The following ABCG1 variants were observed in gnomAD, a reference collection of about 807,000 sequenced individuals.
ABCG1 encodes ATP binding cassette subfamily G member 1.
A neutral mutation model predicts 69.2 loss-of-function variants in ABCG1; 29 were observed. The observed-to-expected ratio is 0.42, with a 90% CI of 0.31 to 0.57. ABCG1 has a LOEUF of 0.57. Among genes scored for constraint, ABCG1 ranks in the 20% least tolerant of loss-of-function variants. The pLI, the probability that ABCG1 is intolerant of heterozygous loss-of-function variation, is 0.15. For synonymous variants in ABCG1, 370 were observed against 374.8 expected, an observed-to-expected ratio of 0.99 and a Z score of 0.15; for missense variants, 718 against 898.1, an observed-to-expected ratio of 0.80 and a Z score of 2.56.
chr21:42,204,867 ATGCTAAC>A (rs1373027602), intron 2 of ABCG1, among the ~76,000 whole-genome samples: 2 of 152,212 alleles, frequency 1.3e-5, no homozygotes, highest in Non-Finnish European at 1.5e-5. Flanking sequence ...ATACCTGGGT[ATGCTAAC>A]TAAATAAAAT....
intron 8 of ABCG1, among the ~76,000 whole-genome samples, chr21:42,286,474 A>G (rs1255767920): frequency 6.6e-6 from 1 of 152,192 alleles, no homozygotes; most frequent in Non-Finnish European, 1.5e-5. Context: ...ACTATTTCCC[A>G]AATTGTGTTC....
At chr21:42,278,886 C>T (rs225404) in intron 5 of ABCG1, among the ~76,000 whole-genome samples, 10,062 of 152,058 alleles carry the variant, frequency 0.066, 473 homozygotes, top group Non-Finnish European at 0.1. Flanking sequence ...TCAGTTTTGC[C>T]ACCCCCCAGT....
chr21:42,260,144 G>A (rs1385472950), intron 2 of ABCG1: 35 of 1,550,632 alleles, frequency 2.3e-5, no homozygotes, highest in East Asian at 4.9e-5. Context: ...AGGAAGGTGA[G>A]GATGAGTTGT....
chr21:42,222,433 C>T (rs1260595932), intron 1 of ABCG1, among the ~76,000 whole-genome samples: 1 of 152,128 alleles, frequency 6.6e-6, no homozygotes, highest in Non-Finnish European at 1.5e-5. Flanking sequence ...TGTATGATTT[C>T]CTTGGTGTGG....
chr21:42,273,273 T>G lies in ABCG1; in HGVS notation c.405-30T>G. On this transcript the variant is annotated intron_variant, in intron 3 of 14. Coordinates refer to ENST00000398449, the MANE Select transcript of ABCG1 (RefSeq NM_016818.3). The surrounding 1 kb of genome is among the most constrained non-coding windows in gnomAD (Gnocchi z 5.3). The stretch of plus-strand genomic sequence containing the variant: ...GGTGGAGGAGGAGCAGGAGCCCGGC[T>G]GACGGCTTCTCCTGTCCTTGGTTCT... 1 of 1,597,236 alleles carries G rather than the reference T, an allele frequency of 6.3e-7. No individual in the cohort carries two copies. The highest frequency in any genetic ancestry group is 8.5e-7 in the Non-Finnish European group (1 of 1,170,486).
intron 2 of ABCG1, among the ~76,000 whole-genome samples, chr21:42,266,462 C>T (rs1429534664): frequency 6.6e-6 from 1 of 152,114 alleles, no homozygotes; most frequent in Non-Finnish European, 1.5e-5. Context: ...CTGTCTCTCC[C>T]AAGTATGCAT....
chr21:42,243,912 G>A (rs1253015703), intron 2 of ABCG1, among the ~76,000 whole-genome samples: 1 of 136,514 alleles, frequency 7.3e-6, no homozygotes. Flanking sequence ...TCCGCCTCCC[G>A]GGTTCACGCC....
At position 42,237,728 on chromosome 21, in the gene ABCG1, G is replaced by A. The variant is rs146945612; in HGVS notation, c.286+11814G>A. Among the ~76,000 whole-genome samples the A allele has an allele frequency of 2.2e-3, 336 of 152,324 alleles. 2 individuals carry two copies. Among genetic ancestry groups the A allele is most frequent in the African/African-American group, 7.8e-3 (324 of 41,574 alleles). ...GGAAAACCAAGAGCCTTGAGATGCT[G>A]GGCTGTTTTGATCTTCCCTTGCTGT... On this transcript the variant is annotated intron_variant, in intron 2 of 14. Coordinates refer to ENST00000398449, the MANE Select transcript of ABCG1 (RefSeq NM_016818.3).
chr21:42,243,283 T>G lies in ABCG1; in HGVS notation c.286+17369T>G, dbSNP rs576495557. ...CTGCAGGGAGGAGAGTTAAAGCTCA[T>G]GTCCTCCAGGGTACCTTCCTCGGGG... On this transcript the variant is annotated intron_variant, in intron 2 of 14. Transcript: ENST00000398449. Among the ~76,000 whole-genome samples the G allele has an allele frequency of 2.0e-5, 3 of 152,270 alleles. No individual in the cohort carries two copies. The East Asian group carries it at 5.8e-4, about 29-fold the overall frequency.
At chr21:42,285,485 A>G (rs985252084) in intron 7 of ABCG1, among the ~76,000 whole-genome samples, 2 of 152,084 alleles carry the variant, frequency 1.3e-5, no homozygotes, top group African/African-American at 4.8e-5. Flanking sequence ...CAGCCTGGGC[A>G]ACAGAGCAAG....
At position 42,247,996 on chromosome 21, in the gene ABCG1, A is replaced by T. The variant is rs868531328; in HGVS notation, c.286+22082A>T. ...GAACTTCTGCCCTCAGAACGGTGAG[A>T]CGGCACATTTTGTGGCATTTTCTTG... On this transcript the variant is annotated intron_variant, in intron 2 of 14. Transcript: ENST00000398449. 1.1e-4 allele frequency among the ~76,000 whole-genome samples: 16 copies of T among 152,290 alleles called. No homozygotes were observed. In the Middle Eastern group the frequency reaches 0.01, roughly 97 times the overall value.
At chr21:42,225,629 G>A in intron 1 of ABCG1, 42 bp from the exon 2 acceptor site, 1 of 1,596,300 alleles carries the variant, frequency 6.3e-7, no homozygotes, top group South Asian at 1.1e-5. Flanking sequence ...TTTTCTTGAT[G>A]CAGCTTATAA....
chr21:42,271,068 A>G lies in ABCG1; in HGVS notation c.287-2A>G. On this transcript the variant is annotated splice_acceptor_variant, in intron 2 of 14. Transcript: ENST00000398449. LOFTEE classifies it high-confidence loss of function. ...ATATGAATATGATCTGCTTTTTTGC[A>G]GGATACAAGACCCTCCTGAAAGGAA... is the stretch of plus-strand genomic sequence containing the variant. 4 of 1,491,450 alleles carry G rather than the reference A, an allele frequency of 2.7e-6. No individual in the cohort carries two copies. Among genetic ancestry groups the G allele is most frequent in the Non-Finnish European group, 8.9e-7 (1 of 1,120,254 alleles). 92.4% of individuals were successfully genotyped at this position (1,491,450 alleles called of 1,614,324 possible). A position where few individuals can be genotyped will look rare whatever the true frequency, so the allele number is the denominator to read the frequency against.
upstream of ABCG1, chr21:42,219,018 C>T (rs545343665): frequency 8.5e-5 from 20 of 235,194 alleles, no homozygotes; most frequent in African/African-American, 4.6e-4. The surrounding 1 kb of genome is among the most constrained non-coding windows in gnomAD (Gnocchi z 5.3). Context: ...CCGCCGCCCC[C>T]AGCAGGAGCA....
intron 10 of ABCG1, 90 bp from the exon 11 acceptor site, chr21:42,289,960 T>C: frequency 6.9e-7 from 1 of 1,457,818 alleles, no homozygotes; most frequent in South Asian, 1.2e-5. Context: ...GAGTTCAGGG[T>C]CCCATGCTTC....
upstream of ABCG1, among the ~76,000 whole-genome samples, chr21:42,213,902 G>T (rs2067613329): frequency 6.6e-6 from 1 of 152,190 alleles, no homozygotes; most frequent in Non-Finnish European, 1.5e-5. Flanking sequence ...GAAGGAATTT[G>T]CCCCAAGAGG....
Position 42,296,456 on chromosome 21 carries a change from G to A in ABCG1, c.*64G>A. 6.8e-7 allele frequency: 1 copy of A among 1,467,116 alleles called. No individual in the cohort carries two copies. Among genetic ancestry groups the A allele is most frequent in the African/African-American group, 1.4e-5 (1 of 72,076 alleles). The allele number at this position is 1,467,116 out of a possible 1,614,324, so 90.9% of individuals were successfully genotyped here. ...TGGCCGAGGGCACGTCTAGAATCGA[G>A]GAGGCAAGCCTGTGCCCGACCGACG... is the stretch of plus-strand genomic sequence containing the variant. On this transcript the variant is annotated 3_prime_UTR_variant, in exon 15 of 15. Transcript: ENST00000398449. The surrounding 1 kb of genome is among the most constrained non-coding windows in gnomAD (Gnocchi z 5.4).
intron 14 of ABCG1, chr21:42,294,983 T>G (rs1271955858): frequency 9.6e-6 from 3 of 313,378 alleles, no homozygotes; most frequent in African/African-American, 6.5e-5. Context: ...CTCCCCGAAG[T>G]GCCGAGTGCT....
intron 2 of ABCG1, among the ~76,000 whole-genome samples, chr21:42,234,786 C>G (rs974939746): frequency 2.0e-5 from 3 of 151,994 alleles, no homozygotes; most frequent in African/African-American, 7.2e-5. Context: ...CGGGAGAAAA[C>G]AGCGCTGCCG....
Sources: gnomAD v4.1 joint callset for allele counts (sites outside exome capture counted in the v4.1 genomes callset) on GRCh38, gnomAD v4.1.1 for gene constraint, Gnocchi (gnomAD v3.1) non-coding constraint, MANE v1.5 for transcripts, NCBI Gene and HGNC (gene_info 2026-07-23, HGNC 2026-07-21) for gene names.